PLCH2: variants seen among roughly 807,000 people sequenced by gnomAD.
PLCH2 encodes the protein 1-phosphatidylinositol 4,5-bisphosphate phosphodiesterase eta-2.
PLCH2 carries 98 observed loss-of-function variants against 134.7 expected under a neutral mutation model. The observed-to-expected ratio is 0.73, with a 90% confidence interval of 0.62 to 0.86. The LOEUF (loss-of-function observed/expected upper bound fraction) is 0.86, where lower values mean the gene tolerates loss of function less well. Ranked by LOEUF, PLCH2 falls within the 40% of genes least tolerant of loss-of-function variation. PLCH2 has a pLI of 0.00. For synonymous variants in PLCH2, 974 were observed against 827.5 expected (o/e 1.18, Z -3.04); for missense variants, 1,994 against 1,986.6 (o/e 1.00, Z -0.07).
Position 2,487,161 on chromosome 1 carries a change from G to A in PLCH2, c.911-12G>A, listed in dbSNP as rs1487604233. On this transcript the variant is annotated splice_polypyrimidine_tract_variant and intron_variant, in intron 6 of 21. Transcript: ENST00000378486. Reference sequence around the variant, plus strand: ...TGGGCTGACATGGCCCCTATGCCACGCCGTCCTGCAGGCTTCACCAACTAC... The same window carrying A: ...TGGGCTGACATGGCCCCTATGCCACACCGTCCTGCAGGCTTCACCAACTAC... The A allele has an allele frequency of 7.7e-6, 12 of 1,551,296 alleles. No homozygotes were observed. Among genetic ancestry groups the A allele is most frequent in the African/African-American group, 2.7e-5 (2 of 73,394 alleles).
chr1:2,482,446 C>G (rs549881658), intron 4 of PLCH2, among the ~76,000 whole-genome samples: 3 of 152,218 alleles, frequency 2.0e-5, no homozygotes, highest in Non-Finnish European at 4.4e-5. Context: ...TGGGGCTACC[C>G]TCACACCTCG....
intron 20 of PLCH2, chr1:2,500,014 C>G: frequency 1.9e-6 from 1 of 528,106 alleles, no homozygotes. Flanking sequence ...GTCTCAGACT[C>G]TTGGGGGCCT....
At chr1:2,433,367 C>A (rs927501819) in intron 2 of PLCH2, among the ~76,000 whole-genome samples, 2 of 152,218 alleles carry the variant, frequency 1.3e-5, no homozygotes, top group African/African-American at 4.8e-5. Flanking sequence ...GGCAGCATGG[C>A]CCTACTTGGC....
intron 2 of PLCH2, among the ~76,000 whole-genome samples, chr1:2,430,884 G>A (rs1363451241): frequency 2.6e-5 from 4 of 152,328 alleles, no homozygotes; most frequent in South Asian, 2.1e-4. Flanking sequence ...GGCAGAGAGG[G>A]GGTGGGTTCA....
intron 2 of PLCH2, among the ~76,000 whole-genome samples, chr1:2,437,645 T>C (rs1400808693): frequency 1.3e-5 from 2 of 152,202 alleles, no homozygotes; most frequent in Non-Finnish European, 2.9e-5. Flanking sequence ...CCAGATCGCC[T>C]GCTCCCTGCC....
intron 11 of PLCH2, chr1:2,494,365 G>C (rs762962905): frequency 1.1e-5 from 2 of 182,130 alleles, no homozygotes; most frequent in Admixed American, 5.5e-5. Flanking sequence ...CTCAGAACCC[G>C]CCTCAGGGAG....
Position 2,504,730 on chromosome 1 carries a change from C to G in PLCH2, c.3768C>G (p.Ser1256Arg), listed in dbSNP as rs771578293. 1.2e-6 allele frequency: 2 copies of G among 1,612,460 alleles called. No homozygotes were observed. Among genetic ancestry groups the G allele is most frequent in the African/African-American group, 1.3e-5 (1 of 74,930 alleles). ...GCCCCGTGGCTGCCAAGTCCAAGAG[C>G]CTGGGCGACCTCACTGCTGATGACT... ...QDCPVAAKSK[S>R]LGDLTADDFA... Residue 1256 changes from serine to arginine, a missense_variant, in exon 22 of 22, where the codon AGC becomes AGG. Around this residue, in one of 2 missense-constraint regions of PLCH2, gnomAD observed 900 missense variants for 752.3 expected, o/e 1.20. Coordinates refer to ENST00000378486, the MANE Select transcript of PLCH2 (RefSeq NM_014638.4).
chr1:2,416,792 G>T, the PLCH2 span, among the ~76,000 whole-genome samples: 5 of 152,350 alleles, frequency 3.3e-5, no homozygotes, highest in East Asian at 1.9e-4. Context: ...GCATGGGCTG[G>T]CCTGGGAAGT....
chr1:2,450,153 C>T lies in PLCH2; in HGVS notation c.115+19524C>T, dbSNP rs371207603. Among the ~76,000 whole-genome samples the T allele has an allele frequency of 6.0e-4, 91 of 152,332 alleles. No individual in the cohort carries two copies. The South Asian group carries it at 6.0e-3, about 10-fold the overall frequency. ...CACCCTGGGCAGAGGTGGCTTCATC[C>T]GTTGCTGTCCCCTTCTTGGCTGGGC... On this transcript the variant is annotated intron_variant, in intron 2 of 3. Transcript: ENST00000609981.
In PLCH2 at chr1:2,480,287, G is replaced by A. The variant is rs764625474; in HGVS notation, c.620G>A (p.Arg207Gln). 8.1e-6 allele frequency: 13 copies of A among 1,612,514 alleles called. No individual in the cohort carries two copies. The highest frequency in any genetic ancestry group is 2.2e-5 in the South Asian group (2 of 91,076). The change falls in exon 4 of 22, where the codon CGG becomes CAG. Residue 207 changes from arginine (R) to glutamine (Q), a missense_variant. Coordinates refer to ENST00000378486, the MANE Select transcript of PLCH2 (RefSeq NM_014638.4). ...CACAAGCTCAACGTGAACCTGCCCC[G>A]GCAGAGGGTGAAGCAGATGTTCAGG... ...LLHKLNVNLP[R>Q]QRVKQMFREA...
intron 2 of PLCH2, among the ~76,000 whole-genome samples, chr1:2,434,056 C>T (rs993728062): frequency 1.3e-5 from 2 of 152,230 alleles, no homozygotes; most frequent in African/African-American, 2.4e-5. Context: ...AGGCATCGCG[C>T]GTCCGGCTTC....
intron 11 of PLCH2, among the ~76,000 whole-genome samples, chr1:2,494,199 A>C (rs1642746069): frequency 6.6e-6 from 1 of 152,186 alleles, no homozygotes; most frequent in East Asian, 1.9e-4. Context: ...GTGGTGGCAC[A>C]GGCTCTGCTG....
At position 2,448,853 on chromosome 1, in the gene PLCH2, G is replaced by T. The variant is rs71630977; in HGVS notation, c.115+18224G>T. On this transcript the variant is annotated intron_variant, in intron 2 of 3. Transcript: ENST00000609981. This position sits in a 1 kb window ranked among gnomAD's most constrained non-coding sequence, Gnocchi z 4.0. ...GGGCCTCACTCCATTCTTAGGGAGCGGCTGCTCCTGGTTCCCAACCACAAG... is the reference window on the plus strand; with the variant it reads ...GGGCCTCACTCCATTCTTAGGGAGCTGCTGCTCCTGGTTCCCAACCACAAG... 6.6e-6 allele frequency among the ~76,000 whole-genome samples: 1 copy of T among 152,108 alleles called. No homozygotes were observed. The highest frequency in any genetic ancestry group is 2.4e-5 in the African/African-American group (1 of 41,408).
intron 1 of PLCH2, among the ~76,000 whole-genome samples, chr1:2,428,842 G>A (rs1335281454): frequency 6.6e-6 from 1 of 152,276 alleles, no homozygotes; most frequent in African/African-American, 2.4e-5. Flanking sequence ...TGAGCCTGGA[G>A]CCAGGGCAGT....
chr1:2,444,701 A>G lies in PLCH2; in HGVS notation c.115+14072A>G, dbSNP rs1639859003. Among the ~76,000 whole-genome samples the G allele has an allele frequency of 6.6e-6, 1 of 151,974 alleles. No homozygotes were observed. The highest frequency in any genetic ancestry group is 6.5e-5 in the Admixed American group (1 of 15,278). ...TCCCCGCCTCCCACACTGTCTGGTG[A>G]CACTGGAGGCAGCCAAGGTGGCCAC... On this transcript the variant is annotated intron_variant, in intron 2 of 3. Transcript: ENST00000609981. This position sits in a 1 kb window ranked among gnomAD's most constrained non-coding sequence, Gnocchi z 4.6.
chr1:2,454,626 C>G (rs1186257373), intron 2 of PLCH2, among the ~76,000 whole-genome samples: 1 of 152,236 alleles, frequency 6.6e-6, no homozygotes, highest in African/African-American at 2.4e-5. Context: ...CTGGAGCCCC[C>G]TCCCAGGTGA....
chr1:2,457,316 C>T (rs1450157413), intron 2 of PLCH2, among the ~76,000 whole-genome samples: 2 of 152,038 alleles, frequency 1.3e-5, no homozygotes, highest in Admixed American at 1.3e-4. Flanking sequence ...TGCTGGGCTT[C>T]AGGGGCCTTT....
At chr1:2,435,796 C>A (rs1420793149) in intron 2 of PLCH2, among the ~76,000 whole-genome samples, 1 of 146,730 alleles carries the variant, frequency 6.8e-6, no homozygotes, top group Non-Finnish European at 1.5e-5. Flanking sequence ...AGGCTCAGCT[C>A]AGTCTGGAGT....
Position 2,435,702 on chromosome 1 carries a change from G to A in PLCH2, c.115+5073G>A, listed in dbSNP as rs894141093. ...CCAGGAGGGGAGACTGGGTTTCCAG[G>A]GTCCTTTGATGGCTGTGGAGTACAG... is the stretch of plus-strand genomic sequence containing the variant. On this transcript the variant is annotated intron_variant, in intron 2 of 3. Coordinates refer to the PLCH2 transcript ENST00000609981. Among the ~76,000 whole-genome samples the A allele has an allele frequency of 3.9e-5, 6 of 152,162 alleles. No homozygotes were observed. The South Asian group carries it at 1.2e-3, about 32-fold the overall frequency.
Sources: allele counts gnomAD v4.1 joint callset (sites outside exome capture counted in the v4.1 genomes callset), GRCh38; gene constraint gnomAD v4.1.1; regional missense constraint gnomAD v4.1.1; non-coding constraint Gnocchi (gnomAD v3.1); transcripts MANE v1.5; gene names NCBI Gene and HGNC (gene_info 2026-07-23, HGNC 2026-07-21).